Variants in IL13RA1 observed in about 807,000 individuals in gnomAD.
The protein encoded by IL13RA1 is interleukin-13 receptor subunit alpha-1.
A neutral mutation model predicts 33.8 loss-of-function variants in IL13RA1; 14 were observed. The ratio of observed to expected loss-of-function variants is 0.41; its 90% CI spans 0.27 to 0.65. IL13RA1 has a LOEUF of 0.65. Among genes scored for constraint, IL13RA1 ranks in the 30% least tolerant of loss-of-function variants. The pLI is 0.28. For missense variants in IL13RA1, 313 were observed against 327.0 expected (o/e 0.96, Z 0.33); for synonymous variants, 116 against 115.7 (o/e 1.00, Z -0.02).
chrX:118,727,876 GC>G (rs2017172367), intron 1 of IL13RA1, 150 bp downstream of exon 1: 1 of 244,575 alleles, frequency 4.1e-6, no homozygotes, highest in Admixed American at 6.9e-5. Context: ...GCGCTCGGCG[GC>G]TGCGGCTTCC....
chrX:118,731,416 A>G (rs1275928400), intron 1 of IL13RA1, among the ~76,000 whole-genome samples: 1 of 111,058 alleles, frequency 9.0e-6, no homozygotes, highest in Non-Finnish European at 1.9e-5. Flanking sequence ...GTCTCTACTA[A>G]AAATACAAAA....
At chrX:118,803,317 T>C in the IL13RA1 span, among the ~76,000 whole-genome samples, 3 of 112,278 alleles carry the variant, frequency 2.7e-5, no homozygotes, top group African/African-American at 9.7e-5. Flanking sequence ...AATGGTCATA[T>C]ACCCATCAAC....
intron 8 of IL13RA1, among the ~76,000 whole-genome samples, chrX:118,769,549 A>G (rs2017687377): frequency 8.8e-6 from 1 of 113,078 alleles, no homozygotes; most frequent in South Asian, 3.6e-4. Context: ...TAAGAATAAT[A>G]GTAGTTGTTA....
chrX:118,802,384 G>A, the IL13RA1 span, among the ~76,000 whole-genome samples: 1 of 112,194 alleles, frequency 8.9e-6, no homozygotes, highest in Non-Finnish European at 1.9e-5. Flanking sequence ...TTCAGTTGGG[G>A]GGCGATGTTA....
Position 118,770,629 on chromosome X carries a change from C to T in IL13RA1, c.1010-3250C>T, listed in dbSNP as rs780387607. 2.1e-5 allele frequency: 9 copies of T among 428,140 alleles called. No homozygotes were observed. In the African/African-American group the frequency reaches 2.2e-4, roughly 10 times the overall value. 35.3% of individuals were successfully genotyped at this position (428,140 alleles called of 1,213,427 possible). ...CCAGGGCAACTACTCAGCTGGGCTGCCGCGGTGTGTCTACTGTGTCAACAT... is the reference window on the plus strand; with the variant it reads ...CCAGGGCAACTACTCAGCTGGGCTGTCGCGGTGTGTCTACTGTGTCAACAT... On this transcript the variant is annotated intron_variant, in intron 8 of 10. Coordinates refer to ENST00000371666, the MANE Select transcript of IL13RA1 (RefSeq NM_001560.3).
At chrX:118,770,974 T>C in intron 8 of IL13RA1, 1 of 223,638 alleles carries the variant, frequency 4.5e-6, no homozygotes, top group Non-Finnish European at 8.3e-6. Flanking sequence ...TTTTCCTCCC[T>C]TTGTGAATGA....
intron 6 of IL13RA1, among the ~76,000 whole-genome samples, chrX:118,765,923 T>C (rs933509629): frequency 8.9e-6 from 1 of 112,454 alleles, no homozygotes; most frequent in Non-Finnish European, 1.9e-5. Flanking sequence ...TATCCTCTTA[T>C]GAAGTGCCTG....
the IL13RA1 span, among the ~76,000 whole-genome samples, chrX:118,803,893 C>G: frequency 6.1e-5 from 6 of 98,706 alleles, no homozygotes; most frequent in South Asian, 3.0e-3. Context: ...TTCCTTCCTT[C>G]CTTCCTTCCT....
At position 118,793,161 on chromosome X, in the gene IL13RA1, C is replaced by T. The variant is rs764164919; in HGVS notation, c.*1307C>T. 8.9e-6 allele frequency: 1 copy of T among 112,029 alleles called. No individual in the cohort carries two copies. The highest frequency in any genetic ancestry group is 3.8e-4 in the South Asian group (1 of 2,657). 9.2% of individuals were successfully genotyped at this position (112,029 alleles called of 1,213,427 possible). A position where few individuals can be genotyped will look rare whatever the true frequency, so the allele number is the denominator to read the frequency against. ...TTGGAAATTAGGATGTAAATCTGCTCAGGAGACCTGGAGGAGCAGAGGATA... is the reference window on the plus strand; with the variant it reads ...TTGGAAATTAGGATGTAAATCTGCTTAGGAGACCTGGAGGAGCAGAGGATA... On this transcript the variant is annotated 3_prime_UTR_variant, in exon 11 of 11. Transcript: ENST00000371666.
chrX:118,801,130 C>G, the IL13RA1 span, among the ~76,000 whole-genome samples: 1 of 112,516 alleles, frequency 8.9e-6, no homozygotes. Context: ...TAAATATAAT[C>G]TTCACACATG....
At chrX:118,736,147 G>T (rs2017279449) in intron 1 of IL13RA1, among the ~76,000 whole-genome samples, 1 of 110,845 alleles carries the variant, frequency 9.0e-6, no homozygotes, top group South Asian at 3.8e-4. Context: ...TCTCTTTATT[G>T]GTATTTTCAT....
At chrX:118,800,697 C>T in the IL13RA1 span, among the ~76,000 whole-genome samples, 32 of 111,505 alleles carry the variant, frequency 2.9e-4, no homozygotes, top group African/African-American at 1.0e-3. Context: ...CTCGACCTTC[C>T]GGGCTGAAGT....
At chrX:118,775,730 CAG>C (rs1297671149) in intron 9 of IL13RA1, among the ~76,000 whole-genome samples, 1 of 111,156 alleles carries the variant, frequency 9.0e-6, no homozygotes, top group Non-Finnish European at 1.9e-5. Context: ...TGTACTGAGA[CAG>C]AGAAGGCTGT....
intron 1 of IL13RA1, among the ~76,000 whole-genome samples, chrX:118,731,002 C>T (rs1357410423): frequency 2.7e-5 from 3 of 112,259 alleles, no homozygotes; most frequent in African/African-American, 6.5e-5. Flanking sequence ...ATTGGACAGG[C>T]GAGAGCAAAA....
At chrX:118,776,777 T>A (rs1451125325) in intron 10 of IL13RA1, among the ~76,000 whole-genome samples, 1 of 107,434 alleles carries the variant, frequency 9.3e-6, no homozygotes, top group Non-Finnish European at 1.9e-5. Flanking sequence ...ATTTTTATAT[T>A]TTTTTGCGAG....
intron 1 of IL13RA1, among the ~76,000 whole-genome samples, chrX:118,736,732 G>A (rs1040431878): frequency 2.2e-4 from 25 of 112,076 alleles, no homozygotes; most frequent in Middle Eastern, 4.6e-3. Flanking sequence ...TCAGTCTCCT[G>A]AGGAGCTGGA....
chrX:118,759,488 A>G (rs1247550308), intron 5 of IL13RA1, among the ~76,000 whole-genome samples: 1 of 112,069 alleles, frequency 8.9e-6, no homozygotes, highest in Non-Finnish European at 1.9e-5. Flanking sequence ...CTTACTTTGT[A>G]GGCCAAGGGA....
intron 5 of IL13RA1, among the ~76,000 whole-genome samples, chrX:118,759,265 T>C (rs1162377448): frequency 8.9e-6 from 1 of 112,068 alleles, no homozygotes; most frequent in Non-Finnish European, 1.9e-5. Context: ...CCTTCAAATA[T>C]TTCCTTATCT....
intron 6 of IL13RA1, among the ~76,000 whole-genome samples, chrX:118,766,303 T>C (rs113966519): frequency 0.05 from 5,564 of 111,196 alleles, 327 homozygotes; most frequent in African/African-American, 0.17. Context: ...TATCAGGAAC[T>C]GATTTTGTGA....
Sources: gnomAD v4.1 joint callset for allele counts (sites outside exome capture counted in the v4.1 genomes callset) on GRCh38, gnomAD v4.1.1 for gene constraint, MANE v1.5 for transcripts, NCBI Gene and HGNC (gene_info 2026-07-23, HGNC 2026-07-21) for gene names.